Variants in MAP2K5 observed in about 807,000 individuals in gnomAD.
The protein encoded by MAP2K5 is dual specificity mitogen-activated protein kinase kinase 5.
In MAP2K5, 49 loss-of-function variants were observed where a neutral mutation model predicts 83.1. The ratio of observed to expected loss-of-function variants is 0.59; its 90% CI spans 0.47 to 0.75. The LOEUF (loss-of-function observed/expected upper bound fraction) is 0.75. Ranked by LOEUF, MAP2K5 falls within the 30% of genes least tolerant of loss-of-function variation. The pLI, the probability that MAP2K5 is intolerant of heterozygous loss-of-function variation, is 0.00. For synonymous variants in MAP2K5, 202 were observed against 191.8 expected, an observed-to-expected ratio of 1.05 and a Z score of -0.44; for missense variants, 457 against 557.5, an observed-to-expected ratio of 0.82 and a Z score of 1.82.
In MAP2K5 at chr15:67,636,046, C is replaced by T. The variant is rs1057427663; in HGVS notation, c.585+5119C>T. On this transcript the variant is annotated intron_variant, in intron 9 of 21. Transcript: ENST00000178640. The surrounding 1 kb of genome is among the most constrained non-coding windows in gnomAD (Gnocchi z 4.7). ...CTTGAATTCATGGGCTCAAGCAATC[C>T]ACCCGCCTCCACCTATCAAAGTGCT... Among the ~76,000 whole-genome samples the T allele has an allele frequency of 6.6e-6, 1 of 152,132 alleles. No homozygotes were observed. Among genetic ancestry groups the T allele is most frequent in the Non-Finnish European group, 1.5e-5 (1 of 68,032 alleles).
At chr15:67,661,835 T>C (rs909546392) in intron 12 of MAP2K5, among the ~76,000 whole-genome samples, 1 of 152,094 alleles carries the variant, frequency 6.6e-6, no homozygotes, top group East Asian at 1.9e-4. Context: ...TTCCTCAGAA[T>C]GGAGATGATC....
chr15:67,706,730 CACAAGTAATAGACCA>C (rs2088563822), intron 16 of MAP2K5, among the ~76,000 whole-genome samples: 1 of 152,152 alleles, frequency 6.6e-6, no homozygotes, highest in Non-Finnish European at 1.5e-5. Context: ...ATGTTACCAA[CACAAGTAATAGACCA>C]GTAAGTCATT....
intron 2 of MAP2K5, among the ~76,000 whole-genome samples, chr15:67,558,394 A>G (rs567924467): frequency 7.2e-5 from 11 of 152,222 alleles, no homozygotes; most frequent in Non-Finnish European, 1.5e-4. Flanking sequence ...TTAGGCCACC[A>G]TCATCTCTCA....
Position 67,717,280 on chromosome 15 carries a change from G to T in MAP2K5, c.1045-10636G>T, listed in dbSNP as rs986858786. 1.3e-5 allele frequency among the ~76,000 whole-genome samples: 2 copies of T among 152,094 alleles called. No homozygotes were observed. The highest frequency in any genetic ancestry group is 2.9e-5 in the Non-Finnish European group (2 of 68,022). The stretch of plus-strand genomic sequence containing the variant: ...GTGCTAGTTACCTTTCAGAAACTAA[G>T]GCCTAGTTTATTTATTAAAAAGAAA... On this transcript the variant is annotated intron_variant, in intron 16 of 21. Transcript: ENST00000178640. The surrounding 1 kb of genome is among the most constrained non-coding windows in gnomAD (Gnocchi z 4.1).
chr15:67,632,644 T>C (rs908661749), intron 9 of MAP2K5, among the ~76,000 whole-genome samples: 34 of 152,220 alleles, frequency 2.2e-4, no homozygotes, highest in Non-Finnish European at 2.9e-4. Context: ...CTTTTCATGG[T>C]TCATCTCCAA....
intron 3 of MAP2K5, among the ~76,000 whole-genome samples, chr15:67,567,063 G>A (rs927071116): frequency 1.1e-4 from 17 of 152,284 alleles, no homozygotes; most frequent in African/African-American, 4.1e-4. Context: ...CTTCATTAGA[G>A]ATATTTTTAA....
intron 13 of MAP2K5, among the ~76,000 whole-genome samples, chr15:67,684,278 C>G (rs1056985636): frequency 1.3e-5 from 2 of 152,132 alleles, no homozygotes; most frequent in African/African-American, 4.8e-5. Context: ...ATTTTAAATT[C>G]CAATAATCCA....
At chr15:67,710,497 GTTTT>G (rs10609519) in intron 16 of MAP2K5, among the ~76,000 whole-genome samples, 1,446 of 81,046 alleles carry the variant, frequency 0.018, 27 homozygotes, top group African/African-American at 0.067. Context: ...ATCTTCTGAA[GTTTT>G]TTTTTTTTTT....
chr15:67,614,728 A>T (rs1201746282), intron 8 of MAP2K5, among the ~76,000 whole-genome samples: 6 of 152,204 alleles, frequency 3.9e-5, no homozygotes, highest in Non-Finnish European at 5.9e-5. Flanking sequence ...TGGAAGAAAT[A>T]TGGAGGTAGT....
At chr15:67,595,452 A>G (rs2085504438) in intron 7 of MAP2K5, among the ~76,000 whole-genome samples, 1 of 152,174 alleles carries the variant, frequency 6.6e-6, no homozygotes, top group Non-Finnish European at 1.5e-5. Context: ...TAGTGATGGG[A>G]CTAGTTTCTG....
chr15:67,681,494 T>G (rs537022006), intron 13 of MAP2K5, among the ~76,000 whole-genome samples: 2 of 152,284 alleles, frequency 1.3e-5, no homozygotes, highest in East Asian at 3.9e-4. Context: ...TTGATGCCTA[T>G]AAAAGCCTAC....
Position 67,676,631 on chromosome 15 carries a change from A to G in MAP2K5, c.847+11986A>G, listed in dbSNP as rs889233543. 3.9e-5 allele frequency among the ~76,000 whole-genome samples: 6 copies of G among 152,172 alleles called. No individual in the cohort carries two copies. In the East Asian group the frequency reaches 1.2e-3, roughly 29 times the overall value. ...TGATAACAATATTAATCATTTTCCT[A>G]ATATCATTTATTGAGTACCTTGTAT... On this transcript the variant is annotated intron_variant, in intron 13 of 21. Transcript: ENST00000178640. The surrounding 1 kb of genome is among the most constrained non-coding windows in gnomAD (Gnocchi z 4.8).
chr15:67,653,613 T>C (rs1164227915), intron 11 of MAP2K5, among the ~76,000 whole-genome samples: 3 of 152,138 alleles, frequency 2.0e-5, no homozygotes, highest in Non-Finnish European at 4.4e-5. Flanking sequence ...ATTTTTTCAT[T>C]TAAAATGAAA....
intron 11 of MAP2K5, among the ~76,000 whole-genome samples, chr15:67,650,570 A>G (rs148114776): frequency 7.1e-6 from 1 of 141,424 alleles, no homozygotes; most frequent in East Asian, 2.1e-4. Flanking sequence ...TGCCTGTTTT[A>G]TATCTATTGA....
intron 17 of MAP2K5, among the ~76,000 whole-genome samples, chr15:67,735,166 A>G (rs968309455): frequency 7.2e-5 from 11 of 152,210 alleles, no homozygotes; most frequent in East Asian, 3.8e-4. Flanking sequence ...TGTACTTATC[A>G]AGAAGTCTCA....
rs929812530 is a variant in MAP2K5 at position 67,786,688 on chromosome 15, CT to C, written c.1242+13937del. Reference sequence around the variant, plus strand: ...CAGAAAGCCAGCTTCTCCCCTCCCTCTCCCTTCCTCTCCTAGCTGTCCATCC... The same window carrying C: ...CAGAAAGCCAGCTTCTCCCCTCCCTCCCCTTCCTCTCCTAGCTGTCCATCC... On this transcript the variant is annotated intron_variant, in intron 21 of 21. Transcript: ENST00000178640. This position sits in a 1 kb window ranked among gnomAD's most constrained non-coding sequence, Gnocchi z 4.7. Among the ~76,000 whole-genome samples the C allele has an allele frequency of 6.6e-4, 100 of 152,206 alleles. No homozygotes were observed. The highest frequency in any genetic ancestry group is 2.3e-3 in the African/African-American group (97 of 41,450).
At chr15:67,792,884 A>G (rs1402159061) in intron 21 of MAP2K5, among the ~76,000 whole-genome samples, 2 of 152,230 alleles carry the variant, frequency 1.3e-5, no homozygotes, top group Non-Finnish European at 2.9e-5. Context: ...GTGAGATCAC[A>G]TGGTGCTTCA....
Position 67,749,331 on chromosome 15 carries a change from G to A in MAP2K5, c.1134+730G>A, listed in dbSNP as rs903349387. Among the ~76,000 whole-genome samples, 4 of 152,072 alleles carry A rather than the reference G, an allele frequency of 2.6e-5. No homozygotes were observed. The highest frequency in any genetic ancestry group is 9.7e-5 in the African/African-American group (4 of 41,400). On this transcript the variant is annotated intron_variant, in intron 19 of 21. Transcript: ENST00000178640. This position sits in a 1 kb window ranked among gnomAD's most constrained non-coding sequence, Gnocchi z 4.6. ...ATCTTATAATACACAAGGCTTTCAA[G>A]AAACATTAACATTTTCTTTAAAAAC...
In MAP2K5 at chr15:67,677,751, G is replaced by A. The variant is rs1475307714; in HGVS notation, c.847+13106G>A. The stretch of plus-strand genomic sequence containing the variant: ...GAATCTAAGATTCACCACTTTAGAA[G>A]GAAATCTCTTTTACTTACTATGAAA... On this transcript the variant is annotated intron_variant, in intron 13 of 21. Coordinates refer to ENST00000178640, the MANE Select transcript of MAP2K5 (RefSeq NM_145160.3). This position sits in a 1 kb window ranked among gnomAD's most constrained non-coding sequence, Gnocchi z 4.2. 6.6e-6 allele frequency among the ~76,000 whole-genome samples: 1 copy of A among 152,150 alleles called. No individual in the cohort carries two copies. The highest frequency in any genetic ancestry group is 1.5e-5 in the Non-Finnish European group (1 of 68,024).
Sources: gnomAD v4.1 joint callset for allele counts (sites outside exome capture counted in the v4.1 genomes callset) on GRCh38, gnomAD v4.1.1 for gene constraint, Gnocchi (gnomAD v3.1) non-coding constraint, MANE v1.5 for transcripts, NCBI Gene and HGNC (gene_info 2026-07-23, HGNC 2026-07-21) for gene names.